SLC24A2: variants seen among roughly 807,000 people sequenced by gnomAD.
SLC24A2 encodes the protein solute carrier family 24 member 2.
Under a neutral mutation model 62.0 loss-of-function variants are expected in SLC24A2, and 36 were observed. The ratio of observed to expected loss-of-function variants is 0.58; its 90% confidence interval spans 0.44 to 0.77. The LOEUF is 0.77. Among genes scored for constraint, SLC24A2 ranks in the 30% least tolerant of loss-of-function variants. The pLI, the probability that SLC24A2 is intolerant of heterozygous loss-of-function variation, is 0.00. For synonymous variants in SLC24A2, 358 were observed against 294.0 expected, an observed-to-expected ratio of 1.22 and a Z score of -2.23; for missense variants, 846 against 817.9, an observed-to-expected ratio of 1.03 and a Z score of -0.42.
At chr9:19,554,355 T>G (rs1834981295) in intron 7 of SLC24A2, among the ~76,000 whole-genome samples, 1 of 152,242 alleles carries the variant, frequency 6.6e-6, no homozygotes, top group Admixed American at 6.5e-5. Flanking sequence ...GCATTTACAT[T>G]GCATTAGGCA....
the SLC24A2 span, among the ~76,000 whole-genome samples, chr9:19,947,343 C>A: frequency 6.8e-6 from 1 of 147,340 alleles, no homozygotes; most frequent in African/African-American, 2.5e-5. Flanking sequence ...TGCACTGTGG[C>A]TGCCGGAAGG....
chr9:19,510,678 G>C lies in SLC24A2; in HGVS notation c.*5475C>G, dbSNP rs528520321. ...AGGCAAACTCCATGGCATTCTTTCA[G>C]ACTTAGATATTTGTCTGTTTTTAAA... is the stretch of plus-strand genomic sequence containing the variant. On this transcript the variant is annotated 3_prime_UTR_variant, in exon 11 of 11. Coordinates refer to ENST00000341998, the MANE Select transcript of SLC24A2 (RefSeq NM_020344.4). 3.9e-5 allele frequency: 6 copies of C among 152,292 alleles called. No individual in the cohort carries two copies. Among genetic ancestry groups the C allele is most frequent in the African/African-American group, 1.2e-4 (5 of 41,574 alleles). 9.4% of individuals were successfully genotyped at this position (152,292 alleles called of 1,614,324 possible).
At chr9:19,828,637 C>G in the SLC24A2 span, among the ~76,000 whole-genome samples, 5 of 152,018 alleles carry the variant, frequency 3.3e-5, no homozygotes, top group Admixed American at 3.3e-4. Flanking sequence ...CCTTACTCTC[C>G]CCACCCCCAA....
chr9:20,068,379 A>G, the SLC24A2 span, among the ~76,000 whole-genome samples: 1 of 151,992 alleles, frequency 6.6e-6, no homozygotes, highest in African/African-American at 2.4e-5. Flanking sequence ...CTTTTTAATA[A>G]TAGCCATTCT....
chr9:20,063,055 T>C, the SLC24A2 span, among the ~76,000 whole-genome samples: 1 of 116,424 alleles, frequency 8.6e-6, no homozygotes, highest in Non-Finnish European at 1.7e-5. Flanking sequence ...GACTGTAAAC[T>C]AGTTCAACCA....
At chr9:19,803,583 G>A in the SLC24A2 span, among the ~76,000 whole-genome samples, 4 of 152,024 alleles carry the variant, frequency 2.6e-5, no homozygotes, top group Non-Finnish European at 5.9e-5. Context: ...ATATTCAATC[G>A]CTTATGATTA....
At chr9:20,203,220 C>T in the SLC24A2 span, among the ~76,000 whole-genome samples, 1 of 152,020 alleles carries the variant, frequency 6.6e-6, no homozygotes, top group Non-Finnish European at 1.5e-5. Context: ...AAATCTCCAG[C>T]ATTTCTGCTT....
At chr9:20,142,041 C>T in the SLC24A2 span, among the ~76,000 whole-genome samples, 4 of 152,110 alleles carry the variant, frequency 2.6e-5, no homozygotes, top group Non-Finnish European at 4.4e-5. Context: ...CAAAATTACA[C>T]CACTGCACTC....
chr9:19,965,167 C>A, the SLC24A2 span, among the ~76,000 whole-genome samples: 1 of 151,936 alleles, frequency 6.6e-6, no homozygotes, highest in Admixed American at 6.6e-5. Flanking sequence ...AGAAGTAATA[C>A]CATAACCACT....
In SLC24A2 at chr9:19,510,534, T is replaced by C. The variant is rs573719723; in HGVS notation, c.*5619A>G. 1.7e-4 allele frequency: 26 copies of C among 151,920 alleles called. No individual in the cohort carries two copies. The highest frequency in any genetic ancestry group is 4.8e-4 in the African/African-American group (20 of 41,450). 9.4% of individuals were successfully genotyped at this position (151,920 alleles called of 1,614,324 possible). A position where few individuals can be genotyped will look rare whatever the true frequency, so the allele number is the denominator to read the frequency against. ...TCTTGATGCTGATGGTTGTTAATCATTGAGCTGGGTCACACCAGCATCTAT... is the reference window on the plus strand; with the variant it reads ...TCTTGATGCTGATGGTTGTTAATCACTGAGCTGGGTCACACCAGCATCTAT... On this transcript the variant is annotated 3_prime_UTR_variant, in exon 11 of 11. Transcript: ENST00000341998.
intron 3 of SLC24A2, among the ~76,000 whole-genome samples, chr9:19,620,526 A>G (rs1817883541): frequency 6.6e-6 from 1 of 152,242 alleles, no homozygotes; most frequent in Admixed American, 6.5e-5. Flanking sequence ...AAATAAAAGG[A>G]ACTGGTACGT....
chr9:20,268,478 G>C, the SLC24A2 span, among the ~76,000 whole-genome samples: 1 of 152,222 alleles, frequency 6.6e-6, no homozygotes, highest in African/African-American at 2.4e-5. Flanking sequence ...GGTTATCATG[G>C]GAGTGGCACT....
intron 9 of SLC24A2, among the ~76,000 whole-genome samples, chr9:19,522,831 A>G (rs962677926): frequency 6.6e-6 from 1 of 152,228 alleles, no homozygotes; most frequent in Non-Finnish European, 1.5e-5. Context: ...GAAAAAGTTC[A>G]ATAAGACTTT....
chr9:20,307,466 C>G, the SLC24A2 span, among the ~76,000 whole-genome samples: 1 of 152,236 alleles, frequency 6.6e-6, no homozygotes. Context: ...TTTCAAAGCA[C>G]TTTAACAACA....
intron 5 of SLC24A2, among the ~76,000 whole-genome samples, chr9:19,590,447 G>T (rs1836516826): frequency 6.6e-6 from 1 of 152,036 alleles, no homozygotes; most frequent in Admixed American, 6.6e-5. Context: ...AGTGGCAGCT[G>T]CCTGCTCCTC....
rs78151752 is a variant in SLC24A2 at position 19,695,807 on chromosome 9, C to A, written c.931-73508G>T. 8.1e-3 allele frequency among the ~76,000 whole-genome samples: 1,229 copies of A among 151,542 alleles called. 18 individuals are homozygous for A. The highest frequency in any genetic ancestry group is 0.028 in the African/African-American group (1,170 of 41,250). ...ATCACTTAAAATGAATGACTTAGAG[C>A]TAAGTATCTCAATACAGATACACTT... On this transcript the variant is annotated intron_variant, in intron 2 of 10. Transcript: ENST00000341998.
chr9:19,729,055 G>C (rs1224778686), intron 2 of SLC24A2, among the ~76,000 whole-genome samples: 1 of 152,008 alleles, frequency 6.6e-6, no homozygotes, highest in Admixed American at 6.6e-5. Flanking sequence ...GTAAATGTCT[G>C]GTGCATGAAT....
the SLC24A2 span, among the ~76,000 whole-genome samples, chr9:20,213,834 C>A: frequency 1.3e-5 from 2 of 152,166 alleles, 1 homozygote; most frequent in South Asian, 4.1e-4. Flanking sequence ...CTGCTTTATA[C>A]TAGGTGCTTT....
chr9:19,561,679 C>G (rs1453209618), intron 7 of SLC24A2, among the ~76,000 whole-genome samples: 3 of 152,098 alleles, frequency 2.0e-5, no homozygotes, highest in African/African-American at 4.8e-5. Context: ...ATCCACCTGC[C>G]TCGGCCTCCC....
Sources: gnomAD v4.1 joint callset for allele counts (sites outside exome capture counted in the v4.1 genomes callset) on GRCh38, gnomAD v4.1.1 for gene constraint, MANE v1.5 for transcripts, NCBI Gene and HGNC (gene_info 2026-07-23, HGNC 2026-07-21) for gene names.